ARHGAP31: variants seen among roughly 807,000 people sequenced by gnomAD.
ARHGAP31 encodes the protein Rho GTPase activating protein 31, also known as rho GTPase-activating protein 31.
ARHGAP31 carries 34 observed loss-of-function variants against 113.9 expected under a neutral mutation model. That is an observed-to-expected ratio of 0.30 (90% CI 0.23 to 0.40). The LOEUF is 0.40. ARHGAP31 is among the 10% of genes least tolerant of loss of function. The pLI, the probability that ARHGAP31 is intolerant of heterozygous loss-of-function variation, is 1.00. For synonymous variants in ARHGAP31, 650 were observed against 684.8 expected, an observed-to-expected ratio of 0.95 and a Z score of 0.79; for missense variants, 1,548 against 1,767.1, an observed-to-expected ratio of 0.88 and a Z score of 2.22.
Position 119,294,820 on chromosome 3 carries a change from G to C in ARHGAP31, c.-85G>C, listed in dbSNP as rs2079518667. 1 of 1,295,360 alleles carries C rather than the reference G, an allele frequency of 7.7e-7. No individual in the cohort carries two copies. The highest frequency in any genetic ancestry group is 1.5e-5 in the African/African-American group (1 of 68,520). The allele number at this position is 1,295,360 out of a possible 1,614,324, so 80.2% of individuals were successfully genotyped here. ...GCCCCCCAGAGCCGCGGGGCAGCCG[G>C]TGATCTAGCCCGGGAGCCCATCTTA... On this transcript the variant is annotated 5_prime_UTR_variant, in exon 1 of 12. Transcript: ENST00000264245.
intron 1 of ARHGAP31, among the ~76,000 whole-genome samples, chr3:119,344,500 C>A (rs928833377): frequency 6.6e-6 from 1 of 152,174 alleles, no homozygotes; most frequent in African/African-American, 2.4e-5. Flanking sequence ...CTTAAGGACC[C>A]ACTCACTAAT....
intron 1 of ARHGAP31, 25 bp downstream of exon 1, chr3:119,295,029 C>T (rs761986022): frequency 2.5e-6 from 4 of 1,603,874 alleles, no homozygotes; most frequent in Admixed American, 3.3e-5. Flanking sequence ...CCTTTCTCCC[C>T]CGCCCCCACC....
chr3:119,352,715 C>T lies in ARHGAP31; in HGVS notation c.101-12601C>T, dbSNP rs534883641. 2.0e-5 allele frequency among the ~76,000 whole-genome samples: 3 copies of T among 152,290 alleles called. No homozygotes were observed. The South Asian group carries it at 6.2e-4, about 32-fold the overall frequency. ...TAGTCCCAAAGCTGCCAGTATTGGA[C>T]ATTATTCTACAGGCAATGGGAAGCT... On this transcript the variant is annotated intron_variant, in intron 1 of 11. Transcript: ENST00000264245.
In ARHGAP31 at chr3:119,402,305, C is replaced by G. The variant is rs971711449; in HGVS notation, c.1553C>G (p.Ser518Cys). ...PCRTPPKELQ[S>C]LSSLEEFSFH... ...AGAACACCCCCGAAGGAGCTGCAGT[C>G]TCTTTCCAGCCTGGAAGAGTTTTCT... The change falls in exon 10 of 12, where the codon TCT becomes TGT. Residue 518 changes from serine to cysteine, a missense_variant. By Grantham distance (112) the Ser-to-Cys change is moderately radical (BLOSUM62 -1). Transcript: ENST00000264245. The G allele has an allele frequency of 6.2e-7, 1 of 1,614,228 alleles. No individual in the cohort carries two copies. The highest frequency in any genetic ancestry group is 2.2e-5 in the East Asian group (1 of 44,886).
chr3:119,327,896 T>C (rs994047364), intron 1 of ARHGAP31, among the ~76,000 whole-genome samples: 1 of 152,238 alleles, frequency 6.6e-6, no homozygotes, highest in Non-Finnish European at 1.5e-5. Flanking sequence ...AAATTCAACA[T>C]TCAGAGGCAG....
In ARHGAP31 at chr3:119,402,353, G is replaced by T; in HGVS notation, c.1601G>T (p.Gly534Val). ...EFSFHGSESGGWPEEEKPLGA... is the reference protein window; with the variant it reads ...EFSFHGSESGVWPEEEKPLGA... ...TCTTTTCATGGATCAGAGAGCGGAG[G>T]CTGGCCAGAAGAAGAGAAACCGCTG... is the stretch of plus-strand genomic sequence containing the variant. The change falls in exon 10 of 12, where the codon GGC (glycine) becomes GTC (valine). Residue 534 changes from glycine (G) to valine (V), a missense_variant. Transcript: ENST00000264245. 6.2e-7 allele frequency: 1 copy of T among 1,613,774 alleles called. No individual in the cohort carries two copies.
chr3:119,390,753 T>C (rs779293769), intron 6 of ARHGAP31, 32 bp from the exon 7 acceptor site: 18 of 1,606,038 alleles, frequency 1.1e-5, no homozygotes, highest in Middle Eastern at 4.5e-4. Flanking sequence ...GCAGGCCTCC[T>C]CCAACACTGA....
intron 1 of ARHGAP31, among the ~76,000 whole-genome samples, chr3:119,342,837 T>A (rs1194265968): frequency 6.6e-6 from 1 of 151,906 alleles, no homozygotes; most frequent in African/African-American, 2.4e-5. Flanking sequence ...TAATCCCCAC[T>A]ACTCGGGAGG....
At position 119,383,110 on chromosome 3, in the gene ARHGAP31, G is replaced by A. The variant is rs753231280; in HGVS notation, c.566G>A (p.Cys189Tyr). 7 of 1,614,184 alleles carry A rather than the reference G, an allele frequency of 4.3e-6. No individual in the cohort carries two copies. Among genetic ancestry groups the A allele is most frequent in the East Asian group, 4.5e-5 (2 of 44,888 alleles). The change falls in exon 6 of 12, where the codon TGC becomes TAC. Residue 189 changes from cysteine to tyrosine, a missense_variant. Transcript: ENST00000264245. ...TCTAAAGAAATTGAAGCCACTGGTT[G>A]CAATGGAGATGCAGCCTTCCTTGCA... is the stretch of plus-strand genomic sequence containing the variant. ...LRSKEIEATG[C>Y]NGDAAFLAVR...
At chr3:119,315,018 C>A (rs916634174) in intron 1 of ARHGAP31, among the ~76,000 whole-genome samples, 1 of 152,186 alleles carries the variant, frequency 6.6e-6, no homozygotes, top group Non-Finnish European at 1.5e-5. Context: ...TGTGCCTCCC[C>A]CAAGCCCTGA....
Position 119,416,661 on chromosome 3 carries a change from G to A in ARHGAP31, c.*397G>A. 1 of 291,890 alleles carries A rather than the reference G, an allele frequency of 3.4e-6. No homozygotes were observed. Among genetic ancestry groups the A allele is most frequent in the Non-Finnish European group, 6.6e-6 (1 of 151,686 alleles). 18.1% of individuals were successfully genotyped at this position (291,890 alleles called of 1,614,324 possible). A position where few individuals can be genotyped will look rare whatever the true frequency, so the allele number is the denominator to read the frequency against. On this transcript the variant is annotated 3_prime_UTR_variant, in exon 12 of 12. Transcript: ENST00000264245. ...GAAAGAAAGAAAAATCTCTTGCTGTGTCAAACCTCAAAATGTTGCTATTGG... is the reference window on the plus strand; with the variant it reads ...GAAAGAAAGAAAAATCTCTTGCTGTATCAAACCTCAAAATGTTGCTATTGG...
At chr3:119,345,075 C>T (rs1940864430) in intron 1 of ARHGAP31, among the ~76,000 whole-genome samples, 1 of 151,788 alleles carries the variant, frequency 6.6e-6, no homozygotes, top group Admixed American at 6.6e-5. Flanking sequence ...AGCTCTGCCT[C>T]CCGGGTTCAC....
intron 1 of ARHGAP31, among the ~76,000 whole-genome samples, chr3:119,321,919 C>A (rs914944818): frequency 6.6e-6 from 1 of 152,238 alleles, no homozygotes. Flanking sequence ...TCCCAAAGTG[C>A]TGGGATTACA....
chr3:119,409,530 C>G lies in ARHGAP31; in HGVS notation c.1680C>G (p.Ala560=). The G allele has an allele frequency of 6.2e-7, 1 of 1,614,154 alleles. No homozygotes were observed. The highest frequency in any genetic ancestry group is 8.5e-7 in the Non-Finnish European group (1 of 1,180,040). The change falls in exon 11 of 12, where the codon GCC becomes GCG. Residue 560 remains alanine (A), a synonymous_variant. Coordinates refer to ENST00000264245, the MANE Select transcript of ARHGAP31 (RefSeq NM_020754.4). Reference sequence around the variant, plus strand: ...CTAAGAAGGCAGGTCTTGAGGATGCCAAGGCAGTACCTGAAGCACCGGGGA... The same window carrying G: ...CTAAGAAGGCAGGTCTTGAGGATGCGAAGGCAGTACCTGAAGCACCGGGGA... ...SVPKKAGLED[A]KAVPEAPGTV...
intron 1 of ARHGAP31, among the ~76,000 whole-genome samples, chr3:119,334,296 G>A (rs898130189): frequency 2.0e-5 from 3 of 152,078 alleles, no homozygotes; most frequent in South Asian, 2.1e-4. Flanking sequence ...GGCTCCTGTC[G>A]GACCAGACAC....
At chr3:119,382,836 T>C (rs377372472) in intron 5 of ARHGAP31, among the ~76,000 whole-genome samples, 1 of 152,246 alleles carries the variant, frequency 6.6e-6, no homozygotes, top group Non-Finnish European at 1.5e-5. Context: ...AGTCAATTTC[T>C]GTATGTTTAC....
At position 119,415,730 on chromosome 3, in the gene ARHGAP31, C is replaced by T. The variant is rs200959673; in HGVS notation, c.3801C>T (p.Pro1267=). ...AGGAAGAAAAACCAAAGCAAGATCCCGGAGCCATTAAGTCCTCACCAGTGG... is the reference window on the plus strand; with the variant it reads ...AGGAAGAAAAACCAAAGCAAGATCCTGGAGCCATTAAGTCCTCACCAGTGG... ...SSKEEKPKQD[P]GAIKSSPVDA... Residue 1267 remains proline (P), a synonymous_variant, in exon 12 of 12, where the codon CCC becomes CCT. Coordinates refer to ENST00000264245, the MANE Select transcript of ARHGAP31 (RefSeq NM_020754.4). 72 of 1,614,090 alleles carry T rather than the reference C, an allele frequency of 4.5e-5. 1 individual carries two copies. The Middle Eastern group carries it at 5.0e-4, about 11-fold the overall frequency.
intron 1 of ARHGAP31, among the ~76,000 whole-genome samples, chr3:119,345,263 G>T (rs1165471317): frequency 1.3e-5 from 2 of 152,142 alleles, no homozygotes; most frequent in Non-Finnish European, 2.9e-5. Flanking sequence ...TAGGATTATA[G>T]GCGTGTGCCA....
chr3:119,378,591 T>C (rs946975113), intron 3 of ARHGAP31, among the ~76,000 whole-genome samples: 1 of 152,202 alleles, frequency 6.6e-6, no homozygotes, highest in South Asian at 2.1e-4. Context: ...ATTCCGGCTT[T>C]GCAGAGAGAT....
Sources: gnomAD v4.1 joint callset for allele counts (sites outside exome capture counted in the v4.1 genomes callset) on GRCh38, gnomAD v4.1.1 for gene constraint, MANE v1.5 for transcripts, NCBI Gene and HGNC (gene_info 2026-07-23, HGNC 2026-07-21) for gene names.